CAMSAP3: variants seen among roughly 807,000 people sequenced by gnomAD.
CAMSAP3 encodes the protein calmodulin regulated spectrin associated protein family member 3.
A neutral mutation model predicts 112.5 loss-of-function variants in CAMSAP3; 34 were observed. The ratio of observed to expected loss-of-function variants is 0.30; its 90% CI spans 0.23 to 0.40. The LOEUF is 0.40. Among genes scored for constraint, CAMSAP3 ranks in the 10% least tolerant of loss-of-function variants. The pLI, the probability that CAMSAP3 is intolerant of heterozygous loss-of-function variation, is 1.00. For missense variants in CAMSAP3, 1,602 were observed against 1,770.3 expected, an observed-to-expected ratio of 0.90 and a Z score of 1.71; for synonymous variants, 868 against 799.8, an observed-to-expected ratio of 1.09 and a Z score of -1.44.
chr19:7,603,514 C>T (rs139074561), intron 1 of CAMSAP3, among the ~76,000 whole-genome samples: 1 of 152,132 alleles, frequency 6.6e-6, no homozygotes, highest in East Asian at 1.9e-4. Flanking sequence ...TGCACCCGGC[C>T]CCCACCCCGT....
chr19:7,611,438 A>T lies in CAMSAP3; in HGVS notation c.1124-79A>T, dbSNP rs1178638204. ...TCAGTGACTCACCCAATGACCTTGC[A>T]GAGGTTGTCCCCAGATGCTGGCTGA... On this transcript the variant is annotated intron_variant, in intron 9 of 16. Coordinates refer to ENST00000160298, the MANE Select transcript of CAMSAP3 (RefSeq NM_020902.2). The surrounding 1 kb of genome is among the most constrained non-coding windows in gnomAD (Gnocchi z 6.9). 7.3e-7 allele frequency: 1 copy of T among 1,374,868 alleles called. No homozygotes were observed. The highest frequency in any genetic ancestry group is 1.5e-5 in the African/African-American group (1 of 68,950). The allele number at this position is 1,374,868 out of a possible 1,614,324, so 85.2% of individuals were successfully genotyped here.
chr19:7,606,863 T>G lies in CAMSAP3; in HGVS notation c.621+292T>G. 1.3e-6 allele frequency: 2 copies of G among 1,583,894 alleles called. 1 individual carries two copies. The highest frequency in any genetic ancestry group is 2.2e-5 in the South Asian group (2 of 90,502). On this transcript the variant is annotated intron_variant, in intron 4 of 16. Coordinates refer to ENST00000160298, the MANE Select transcript of CAMSAP3 (RefSeq NM_020902.2). ...TGCCTGCCCTGCTTGTAGCTCTGTC[T>G]GTCTGTATGTCTGTTTCTGCCTGCC...
chr19:7,617,895 C>T lies in CAMSAP3; in HGVS notation c.3588C>T (p.Ala1196=). The T allele has an allele frequency of 6.2e-7, 1 of 1,614,036 alleles. No homozygotes were observed. The highest frequency in any genetic ancestry group is 8.5e-7 in the Non-Finnish European group (1 of 1,180,014). Residue 1196 remains alanine (A), a synonymous_variant, in exon 17 of 17, where the codon GCC becomes GCT. Coordinates refer to ENST00000160298, the MANE Select transcript of CAMSAP3 (RefSeq NM_020902.2). This position sits in a 1 kb window ranked among gnomAD's most constrained non-coding sequence, Gnocchi z 7.5. ...ATGGGCCCCGGACCGTCACGCCCGC[C>T]ATGGTGGAAGGCATCTACAAGTACA... ...AGYGPRTVTP[A]MVEGIYKYNS... is the part of the protein sequence containing the mutation.
chr19:7,605,294 C>G lies in CAMSAP3; in HGVS notation c.217C>G (p.Pro73Ala). Reference protein sequence around the residue: ...DQYAQEHVKPPVTRLLLSAEL... With the variant: ...DQYAQEHVKPAVTRLLLSAEL... Reference sequence around the variant, plus strand: ...GTACGCGCAGGAGCATGTGAAGCCCCCGGTGACACGGCTGCTGCTCTCAGC... The same window carrying G: ...GTACGCGCAGGAGCATGTGAAGCCCGCGGTGACACGGCTGCTGCTCTCAGC... The change falls in exon 2 of 17, where the codon CCG becomes GCG. Residue 73 changes from proline to alanine, a missense_variant. By Grantham distance (27) the Pro-to-Ala change is conservative. Around this residue, in one of 6 missense-constraint regions of CAMSAP3, gnomAD observed 147 missense variants for 144.6 expected, o/e 1.02. Coordinates refer to ENST00000160298, the MANE Select transcript of CAMSAP3 (RefSeq NM_020902.2). 1 of 1,611,566 alleles carries G rather than the reference C, an allele frequency of 6.2e-7. No individual in the cohort carries two copies. Among genetic ancestry groups the G allele is most frequent in the South Asian group, 1.1e-5 (1 of 90,690 alleles).
At chr19:7,614,257 C>G in intron 11 of CAMSAP3, among the ~76,000 whole-genome samples, 1 of 29,026 alleles carries the variant, frequency 3.4e-5, no homozygotes, top group Non-Finnish European at 7.1e-5. Context: ...GAGACTCCAT[C>G]TCAAAAAAAA....
chr19:7,616,251 GTCTT>G (rs990069973), intron 13 of CAMSAP3, among the ~76,000 whole-genome samples: 4 of 152,080 alleles, frequency 2.6e-5, no homozygotes, highest in Admixed American at 6.5e-5. Flanking sequence ...GGGATGAGGG[GTCTT>G]TCTTCTGTGG....
At chr19:7,596,250 G>A in intron 1 of CAMSAP3, 100 bp downstream of exon 1, 3 of 604,628 alleles carry the variant, frequency 5.0e-6, no homozygotes, top group Non-Finnish European at 6.3e-6. Context: ...GGGGCCGTGG[G>A]AACAATAGCG....
intron 13 of CAMSAP3, chr19:7,616,270 A>T: frequency 2.3e-6 from 1 of 431,686 alleles, no homozygotes; most frequent in Non-Finnish European, 4.3e-6. Flanking sequence ...CTGTGGCTTC[A>T]TGGATAGGAA....
rs1568450295 is a variant in CAMSAP3 at position 7,617,509 on chromosome 19, G to T, written c.3326-34G>T. ...TCCACAGCCCCTGCTCATTCCTGCT[G>T]CCCCCCACCCCCTCCCACTGCCTCA... On this transcript the variant is annotated intron_variant, in intron 15 of 16. Transcript: ENST00000160298. The surrounding 1 kb of genome is among the most constrained non-coding windows in gnomAD (Gnocchi z 7.5). The T allele has an allele frequency of 1.2e-6, 2 of 1,608,456 alleles. No homozygotes were observed. The highest frequency in any genetic ancestry group is 1.7e-5 in the Admixed American group (1 of 59,984).
chr19:7,599,385 C>A, intron 1 of CAMSAP3, among the ~76,000 whole-genome samples: 1 of 145,556 alleles, frequency 6.9e-6, no homozygotes, highest in Non-Finnish European at 1.5e-5. Flanking sequence ...TCCATCCATC[C>A]ACCCATCCAT....
rs539455375 is a variant in CAMSAP3, at chr19:7,595,877, A to AGCGGCGGCG, written c.-111_-103dup. ...CGCAAGCGGCCGCACCTGGCTCAGCAGCGGCGGCGGCGGCGGCGGCGGCAG... is the reference window on the plus strand; with the variant it reads ...CGCAAGCGGCCGCACCTGGCTCAGCAGCGGCGGCGGCGGCGGCGGCGGCGGCGGCGGCAG... On this transcript the variant is annotated 5_prime_UTR_variant, in exon 1 of 17. Coordinates refer to ENST00000160298, the MANE Select transcript of CAMSAP3 (RefSeq NM_020902.2). The AGCGGCGGCG allele has an allele frequency of 7.5e-5, 21 of 280,070 alleles. No homozygotes were observed. The highest frequency in any genetic ancestry group is 9.1e-5 in the African/African-American group (4 of 43,908). 17.3% of individuals were successfully genotyped at this position (280,070 alleles called of 1,614,324 possible). A position where few individuals can be genotyped will look rare whatever the true frequency, so the allele number is the denominator to read the frequency against.
At position 7,602,251 on chromosome 19, in the gene CAMSAP3, G is replaced by A. The variant is rs1599345510; in HGVS notation, c.149-2975G>A. Among the ~76,000 whole-genome samples the A allele has an allele frequency of 4.6e-5, 7 of 152,256 alleles. No homozygotes were observed. In the South Asian group the frequency reaches 1.4e-3, roughly 32 times the overall value. ...GAGATTTTGCTAAACATCTCACAGT[G>A]TACAGGACAGGACAGCATCCCCTGA... On this transcript the variant is annotated intron_variant, in intron 1 of 16. Coordinates refer to ENST00000160298, the MANE Select transcript of CAMSAP3 (RefSeq NM_020902.2).
chr19:7,618,214 G>A lies in CAMSAP3; in HGVS notation c.*157G>A. On this transcript the variant is annotated 3_prime_UTR_variant, in exon 17 of 17. Transcript: ENST00000160298. ...GACTTTGAGTCCAGTCCTGCTGTGG[G>A]GGCTGAGCTGGGAGGTTCAGGGACT... 1 of 769,592 alleles carries A rather than the reference G, an allele frequency of 1.3e-6. No individual in the cohort carries two copies. The highest frequency in any genetic ancestry group is 1.8e-5 in the South Asian group (1 of 54,244). The allele number at this position is 769,592 out of a possible 1,614,324, so 47.7% of individuals were successfully genotyped here.
Position 7,611,797 on chromosome 19 carries a change from T to C in CAMSAP3, c.1304T>C (p.Leu435Pro). ...VLLRSVSSDS[L>P]GPPRPAPART... ...CTCCGCTCTGTGAGCTCGGACAGCCTGGGCCCCCCGCGTCCCGCGCCGGCC... is the reference window on the plus strand; with the variant it reads ...CTCCGCTCTGTGAGCTCGGACAGCCCGGGCCCCCCGCGTCCCGCGCCGGCC... The change falls in exon 11 of 17, where the codon CTG becomes CCG. Residue 435 changes from leucine to proline, a missense_variant. Transcript: ENST00000160298. This position sits in a 1 kb window ranked among gnomAD's most constrained non-coding sequence, Gnocchi z 6.9. 1 of 1,597,208 alleles carries C rather than the reference T, an allele frequency of 6.3e-7. No individual in the cohort carries two copies. The highest frequency in any genetic ancestry group is 2.2e-5 in the East Asian group (1 of 44,654).
Position 7,606,257 on chromosome 19 carries a change from G to C in CAMSAP3, c.403-14G>C, listed in dbSNP as rs747602343. On this transcript the variant is annotated splice_polypyrimidine_tract_variant and intron_variant, in intron 2 of 16. Coordinates refer to ENST00000160298, the MANE Select transcript of CAMSAP3 (RefSeq NM_020902.2). ...CAGCTCTCAGGTCTCACCCTCTAGCGCTTGCCCCCACAGGGAGCCCACCTA... is the reference window on the plus strand; with the variant it reads ...CAGCTCTCAGGTCTCACCCTCTAGCCCTTGCCCCCACAGGGAGCCCACCTA... 11 of 1,606,228 alleles carry C rather than the reference G, an allele frequency of 6.8e-6. No homozygotes were observed. Among genetic ancestry groups the C allele is most frequent in the Non-Finnish European group, 8.5e-6 (10 of 1,176,676 alleles).
At chr19:7,606,838 T>G (rs754683583) in intron 4 of CAMSAP3, 1 of 1,612,278 alleles carries the variant, frequency 6.2e-7, no homozygotes, top group Admixed American at 1.7e-5. Context: ...CCGCCCCGTC[T>G]GCCTGCCCTG....
chr19:7,618,216 G>C lies in CAMSAP3; in HGVS notation c.*159G>C. 2 of 769,396 alleles carry C rather than the reference G, an allele frequency of 2.6e-6. No individual in the cohort carries two copies. Among genetic ancestry groups the C allele is most frequent in the Non-Finnish European group, 4.1e-6 (2 of 490,070 alleles). 47.7% of individuals were successfully genotyped at this position (769,396 alleles called of 1,614,324 possible). A position where few individuals can be genotyped will look rare whatever the true frequency, so the allele number is the denominator to read the frequency against. On this transcript the variant is annotated 3_prime_UTR_variant, in exon 17 of 17. Coordinates refer to ENST00000160298, the MANE Select transcript of CAMSAP3 (RefSeq NM_020902.2). ...CTTTGAGTCCAGTCCTGCTGTGGGG[G>C]CTGAGCTGGGAGGTTCAGGGACTCA...
Position 7,610,509 on chromosome 19 carries a change from A to G in CAMSAP3, c.794A>G (p.Asp265Gly). The G allele has an allele frequency of 6.2e-7, 1 of 1,613,418 alleles. No homozygotes were observed. Among genetic ancestry groups the G allele is most frequent in the Non-Finnish European group, 8.5e-7 (1 of 1,179,944 alleles). Residue 265 changes from aspartate (D) to glycine (G), a missense_variant, in exon 6 of 17, where the codon GAC (aspartate) becomes GGC (glycine). This residue lies in a region of CAMSAP3 where 58 missense variants were observed against 108.4 expected (regional missense o/e 0.54). Coordinates refer to ENST00000160298, the MANE Select transcript of CAMSAP3 (RefSeq NM_020902.2). This position sits in a 1 kb window ranked among gnomAD's most constrained non-coding sequence, Gnocchi z 4.9. Reference protein sequence around the residue: ...VCLKDPMSVADSLYNLQLVQD... With the variant: ...VCLKDPMSVAGSLYNLQLVQD... ...TTGAAGGACCCCATGTCTGTGGCGG[A>G]CAGCCTGTACAACCTCCAGCTCGTG...
chr19:7,616,941 T>TG (rs2146177835), intron 14 of CAMSAP3, among the ~76,000 whole-genome samples: 1 of 124,132 alleles, frequency 8.1e-6, no homozygotes, highest in East Asian at 2.3e-4. Flanking sequence ...CGCCTTTTTT[T>TG]TTTTTTTTTT....
Sources: gnomAD v4.1 joint callset for allele counts (sites outside exome capture counted in the v4.1 genomes callset) on GRCh38, gnomAD v4.1.1 for gene constraint, gnomAD v4.1.1 regional missense constraint, Gnocchi (gnomAD v3.1) non-coding constraint, MANE v1.5 for transcripts, NCBI Gene and HGNC (gene_info 2026-07-23, HGNC 2026-07-21) for gene names.